The following RELCH variants were observed in gnomAD, a reference collection of about 807,000 sequenced individuals.
RELCH encodes RAB11-binding protein RELCH.
In RELCH, 41 loss-of-function variants were observed where a neutral mutation model predicts 150.3. The observed-to-expected ratio is 0.27, with a 90% CI of 0.21 to 0.35. The LOEUF is 0.35. RELCH is among the 10% of genes least tolerant of loss of function. The pLI is 1.00. For synonymous variants in RELCH, 478 were observed against 531.8 expected, an observed-to-expected ratio of 0.90 and a Z score of 1.39; for missense variants, 1,092 against 1,467.8, an observed-to-expected ratio of 0.74 and a Z score of 4.18.
chr18:62,219,999 A>G (rs2040748077), intron 2 of RELCH, among the ~76,000 whole-genome samples: 1 of 152,052 alleles, frequency 6.6e-6, no homozygotes, highest in Admixed American at 6.6e-5. Context: ...CTTAATATTC[A>G]TTTGTGGCAA....
intron 10 of RELCH, among the ~76,000 whole-genome samples, chr18:62,237,444 A>C (rs1341838807): frequency 6.6e-6 from 1 of 151,830 alleles, no homozygotes; most frequent in Admixed American, 6.6e-5. Flanking sequence ...TTGTGCATGT[A>C]TAAATTCAAA....
intron 5 of RELCH, among the ~76,000 whole-genome samples, chr18:62,225,258 G>GA (rs538684793): frequency 4.5e-4 from 67 of 148,490 alleles, no homozygotes; most frequent in Middle Eastern, 6.9e-3. Flanking sequence ...AGGAAAACAG[G>GA]AAAAAAAAAA....
rs190806031 is a variant in RELCH, at chr18:62,215,982, A to G, written c.616+4740A>G. 2.1e-3 allele frequency among the ~76,000 whole-genome samples: 316 copies of G among 152,278 alleles called. 4 individuals carry two copies. The highest frequency in any genetic ancestry group is 7.4e-3 in the African/African-American group (306 of 41,588). ...CATACATTTTTATATAAAATGATTT[A>G]AGTAGTAGCAGACACCAAACCAATG... is the stretch of plus-strand genomic sequence containing the variant. On this transcript the variant is annotated intron_variant, in intron 2 of 28. Transcript: ENST00000644646.
chr18:62,266,696 CT>C lies in RELCH; in HGVS notation c.2632-3del. On this transcript the variant is annotated splice_region_variant and splice_polypyrimidine_tract_variant and intron_variant, in intron 18 of 28. Transcript: ENST00000644646. ...CTTTTTGAATCTTCTCTTTGGGTTG[CT>C]TAGGTAAAACCTCAGTTCCAGGAGA... 6.3e-7 allele frequency: 1 copy of C among 1,596,950 alleles called. No individual in the cohort carries two copies. Among genetic ancestry groups the C allele is most frequent in the Non-Finnish European group, 8.6e-7 (1 of 1,167,978 alleles).
chr18:62,213,714 A>G (rs2040310186), intron 2 of RELCH, among the ~76,000 whole-genome samples: 1 of 118,974 alleles, frequency 8.4e-6, no homozygotes, highest in Non-Finnish European at 1.6e-5. Flanking sequence ...TGGGTGACAG[A>G]GTGAGACTCA....
At chr18:62,222,080 T>C (rs1312191661) in intron 5 of RELCH, among the ~76,000 whole-genome samples, 1 of 151,936 alleles carries the variant, frequency 6.6e-6, no homozygotes, top group African/African-American at 2.4e-5. Context: ...AATGGATTGG[T>C]TTGAATCTTA....
chr18:62,257,352 C>T (rs1156481489), intron 13 of RELCH, among the ~76,000 whole-genome samples: 1 of 152,022 alleles, frequency 6.6e-6, no homozygotes, highest in Non-Finnish European at 1.5e-5. Context: ...TTTTTAAGTA[C>T]TTTTAAAGTT....
chr18:62,274,341 T>C (rs535955058), intron 21 of RELCH, among the ~76,000 whole-genome samples: 106 of 152,258 alleles, frequency 7.0e-4, no homozygotes, highest in African/African-American at 2.4e-3. Context: ...TTTGAAGCAG[T>C]TGGAGAAATA....
intron 13 of RELCH, among the ~76,000 whole-genome samples, chr18:62,256,193 A>G (rs1467444020): frequency 6.6e-6 from 1 of 151,976 alleles, no homozygotes; most frequent in African/African-American, 2.4e-5. Context: ...CACCAATTTT[A>G]CTTCACAGAA....
chr18:62,274,713 A>G (rs2044100543), intron 21 of RELCH, among the ~76,000 whole-genome samples: 1 of 152,194 alleles, frequency 6.6e-6, no homozygotes, highest in South Asian at 2.1e-4. Flanking sequence ...TAATTTACCC[A>G]CTTGACTCTT....
chr18:62,261,373 C>T (rs1230780425), intron 15 of RELCH, 138 bp from the exon 16 acceptor site: 10 of 609,400 alleles, frequency 1.6e-5, no homozygotes, highest in Non-Finnish European at 2.8e-5. Context: ...CTCTAGAGTG[C>T]CTTACTGCTT....
At chr18:62,212,128 C>T (rs1342823003) in intron 2 of RELCH, among the ~76,000 whole-genome samples, 1 of 152,208 alleles carries the variant, frequency 6.6e-6, no homozygotes, top group African/African-American at 2.4e-5. Context: ...TCAGTTTGTA[C>T]CCTGTGTTCT....
chr18:62,270,550 T>C (rs1387978035), intron 20 of RELCH, among the ~76,000 whole-genome samples: 1 of 152,180 alleles, frequency 6.6e-6, no homozygotes, highest in Non-Finnish European at 1.5e-5. Flanking sequence ...CCTTTTCCAA[T>C]GGTTTCCTGA....
intron 22 of RELCH, 46 bp downstream of exon 22, chr18:62,275,519 T>A: frequency 7.8e-7 from 1 of 1,286,958 alleles, no homozygotes; most frequent in Non-Finnish European, 1.1e-6. Flanking sequence ...AATGATTTTT[T>A]TTTTTTTGCG....
intron 27 of RELCH, among the ~76,000 whole-genome samples, chr18:62,296,160 T>G (rs1387081090): frequency 6.6e-6 from 1 of 152,228 alleles, no homozygotes; most frequent in Non-Finnish European, 1.5e-5. Flanking sequence ...GAATATACAT[T>G]CTGTCATTAT....
rs563592398 is a variant in RELCH at position 62,299,094 on chromosome 18, A to G, written c.3530+234A>G. ...ACCCCATGCCCTGCGCCTTCTCTCA[A>G]TATTCTCAGTCAGCCTAGGGATCTG... On this transcript the variant is annotated intron_variant, in intron 28 of 28. Transcript: ENST00000644646. Among the ~76,000 whole-genome samples the G allele has an allele frequency of 2.0e-4, 31 of 152,304 alleles. No individual in the cohort carries two copies. In the South Asian group the frequency reaches 4.8e-3, roughly 23 times the overall value.
At chr18:62,246,444 T>C (rs1245328542) in intron 11 of RELCH, 1 of 152,190 alleles carries the variant, frequency 6.6e-6, no homozygotes, top group African/African-American at 2.4e-5. Context: ...TGGTTTAAGG[T>C]AGTGATAGGT....
chr18:62,291,750 C>A, intron 27 of RELCH, 119 bp downstream of exon 27: 2 of 640,760 alleles, frequency 3.1e-6, no homozygotes, highest in Non-Finnish European at 5.4e-6. Context: ...AGCTCAATGT[C>A]ATTTTATCGA....
At chr18:62,275,509 A>T in intron 22 of RELCH, 36 bp downstream of exon 22, 2 of 1,387,920 alleles carry the variant, frequency 1.4e-6, no homozygotes, top group African/African-American at 1.4e-5. Context: ...TTTCAATTAT[A>T]ATGATTTTTT....
Sources: allele counts gnomAD v4.1 joint callset (sites outside exome capture counted in the v4.1 genomes callset), GRCh38; gene constraint gnomAD v4.1.1; transcripts MANE v1.5; gene names NCBI Gene and HGNC (gene_info 2026-07-23, HGNC 2026-07-21).